BCL9: variants seen among roughly 807,000 people sequenced by gnomAD.
BCL9 encodes the protein BCL9 transcription coactivator, also known as B-cell CLL/lymphoma 9 protein.
Under a neutral mutation model 88.5 loss-of-function variants are expected in BCL9, and 25 were observed. The ratio of observed to expected loss-of-function variants is 0.28; its 90% CI spans 0.21 to 0.39. The LOEUF (loss-of-function observed/expected upper bound fraction) is 0.39, where lower values mean the gene tolerates loss of function less well. Among genes scored for constraint, BCL9 ranks in the 10% least tolerant of loss-of-function variants. The probability of loss-of-function intolerance (pLI) is 1.00; values close to 1 mark genes in which losing one functional copy is unlikely to be tolerated. For synonymous variants in BCL9, 711 were observed against 673.3 expected, an observed-to-expected ratio of 1.06 and a Z score of -0.87; for missense variants, 1,817 against 1,877.8, an observed-to-expected ratio of 0.97 and a Z score of 0.60.
At chr1:147,588,577 C>T (rs2101566109) in intron 1 of BCL9, among the ~76,000 whole-genome samples, 1 of 152,186 alleles carries the variant, frequency 6.6e-6, no homozygotes, top group Non-Finnish European at 1.5e-5. Flanking sequence ...CACCCCCTCC[C>T]AGAAGTGCTA....
rs35324998 is a variant in BCL9, at chr1:147,608,330, CTTTT to C, written c.-260+1481_-260+1484del. ...AATGCTAGACCTGGGTTTTGTTTTG[CTTTT>C]TTTTTTTTTTTTTTTTAGCACGGAA... is the stretch of plus-strand genomic sequence containing the variant. On this transcript the variant is annotated intron_variant, in intron 3 of 9. Transcript: ENST00000234739. Among the ~76,000 whole-genome samples the C allele has an allele frequency of 1.5e-4, 15 of 101,052 alleles. No individual in the cohort carries two copies. The East Asian group carries it at 3.4e-3, about 23-fold the overall frequency. The allele number at this position is 101,052 out of a possible 152,430, so 66.3% of individuals were successfully genotyped here.
At chr1:147,569,667 A>C (rs1162249301) in intron 1 of BCL9, among the ~76,000 whole-genome samples, 3 of 94 alleles carry the variant, frequency 0.032, no homozygotes, top group African/African-American at 0.12. Context: ...AAGAAGAGAA[A>C]AAGAAGAAAA....
At chr1:147,548,585 G>C (rs945611927) in intron 1 of BCL9, among the ~76,000 whole-genome samples, 1 of 152,244 alleles carries the variant, frequency 6.6e-6, no homozygotes, top group Admixed American at 6.5e-5. Flanking sequence ...TCTGGGCTGT[G>C]GCCCCTCAAA....
intron 1 of BCL9, among the ~76,000 whole-genome samples, chr1:147,571,603 G>C (rs1458994440): frequency 6.6e-6 from 1 of 152,082 alleles, no homozygotes; most frequent in Non-Finnish European, 1.5e-5. Context: ...TGGTGAAAAA[G>C]CACCCTTTTC....
At chr1:147,598,804 C>A (rs1657168492) in intron 1 of BCL9, among the ~76,000 whole-genome samples, 1 of 152,190 alleles carries the variant, frequency 6.6e-6, no homozygotes, top group Admixed American at 6.5e-5. Context: ...AGAGGTGTAA[C>A]AACAGTGTAT....
Position 147,620,337 on chromosome 1 carries a change from T to G in BCL9, c.2182T>G (p.Ser728Ala), listed in dbSNP as rs782735343. ...TGTCAATCTAAATGTCAACATGGGA[T>G]CCAACTCTCAGATGATACCTCAGAA... is the stretch of plus-strand genomic sequence containing the variant. The part of the protein sequence containing the change: ...GDVNLNVNMG[S>A]NSQMIPQKMR... The change falls in exon 8 of 10, where the codon TCC (serine) becomes GCC (alanine). Residue 728 changes from serine (S) to alanine (A), a missense_variant. Ser to Ala is a moderately conservative substitution (Grantham distance 99). This residue lies in a region of BCL9 where 1,228 missense variants were observed against 1,191.6 expected (regional missense o/e 1.03). Transcript: ENST00000234739. 1.4e-5 allele frequency: 23 copies of G among 1,614,036 alleles called. No individual in the cohort carries two copies. Among genetic ancestry groups the G allele is most frequent in the Admixed American group, 1.0e-4 (6 of 60,002 alleles).
chr1:147,593,241 G>C (rs1302705226), intron 1 of BCL9, among the ~76,000 whole-genome samples: 1 of 152,164 alleles, frequency 6.6e-6, no homozygotes, highest in Non-Finnish European at 1.5e-5. Context: ...TTCTGCTCAT[G>C]TCTTCTCCCT....
At chr1:147,580,375 G>C (rs782028326) in intron 1 of BCL9, among the ~76,000 whole-genome samples, 8 of 152,152 alleles carry the variant, frequency 5.3e-5, no homozygotes, top group Non-Finnish European at 1.0e-4. Flanking sequence ...TTGTGGTTTA[G>C]ATTAAAACCA....
intron 1 of BCL9, among the ~76,000 whole-genome samples, chr1:147,600,628 C>T (rs1042039081): frequency 1.3e-5 from 2 of 151,724 alleles, no homozygotes; most frequent in Non-Finnish European, 2.9e-5. Context: ...GAGGTTAAAC[C>T]AGGAGAGTGA....
At position 147,575,317 on chromosome 1, in the gene BCL9, A is replaced by G. The variant is rs151037596; in HGVS notation, c.-477-29460A>G. On this transcript the variant is annotated intron_variant, in intron 1 of 9. Transcript: ENST00000234739. ...TGGTTTCCTGACACAGCTCCTTGTA[A>G]TTTTCCTTCATACACTTTAATATAA... Among the ~76,000 whole-genome samples, 138 of 152,162 alleles carry G rather than the reference A, an allele frequency of 9.1e-4. 2 individuals carry two copies. In the East Asian group the frequency reaches 0.02, roughly 22 times the overall value.
chr1:147,620,628 T>C lies in BCL9; in HGVS notation c.2473T>C (p.Ser825Pro). The change falls in exon 8 of 10, where the codon TCC becomes CCC. Residue 825 changes from serine to proline, a missense_variant. By Grantham distance (74) the Ser-to-Pro change is moderately conservative. Around this residue, in one of 2 missense-constraint regions of BCL9, gnomAD observed 1,228 missense variants for 1,191.6 expected, o/e 1.03. Coordinates refer to ENST00000234739, the MANE Select transcript of BCL9 (RefSeq NM_004326.4). Reference sequence around the variant, plus strand: ...TATGCCACCACTACCTCTCAACCCTTCCAGTAACCCCACCAGCCTCAACAC... The same window carrying C: ...TATGCCACCACTACCTCTCAACCCTCCCAGTAACCCCACCAGCCTCAACAC... ...SHMPPLPLNPSSNPTSLNTAP... is the reference protein window; with the variant it reads ...SHMPPLPLNPPSNPTSLNTAP... 1 of 1,614,014 alleles carries C rather than the reference T, an allele frequency of 6.2e-7. No homozygotes were observed. Among genetic ancestry groups the C allele is most frequent in the Non-Finnish European group, 8.5e-7 (1 of 1,179,998 alleles).
At chr1:147,587,993 G>C (rs1553199461) in intron 1 of BCL9, among the ~76,000 whole-genome samples, 1 of 152,174 alleles carries the variant, frequency 6.6e-6, no homozygotes, top group South Asian at 2.1e-4. Context: ...CGTCAAGTTT[G>C]TGATATAGTA....
At chr1:147,604,142 G>A (rs1657534502) in intron 1 of BCL9, among the ~76,000 whole-genome samples, 1 of 152,100 alleles carries the variant, frequency 6.6e-6, no homozygotes, top group South Asian at 2.1e-4. Context: ...ACCAGGGATG[G>A]TTACTTCCAT....
chr1:147,605,791 G>C (rs782629918), intron 2 of BCL9, among the ~76,000 whole-genome samples: 2 of 152,292 alleles, frequency 1.3e-5, no homozygotes, highest in African/African-American at 4.8e-5. Flanking sequence ...AGGCTTTTTA[G>C]TTCCACATTC....
chr1:147,560,032 A>G (rs188758417), intron 1 of BCL9, among the ~76,000 whole-genome samples: 1 of 152,304 alleles, frequency 6.6e-6, no homozygotes, highest in African/African-American at 2.4e-5. Context: ...AGAACTTCAT[A>G]TTTCAGAGTA....
At chr1:147,614,388 A>G in intron 5 of BCL9, 39 bp from the exon 6 acceptor site, 1 of 1,599,802 alleles carries the variant, frequency 6.3e-7, no homozygotes. Context: ...AAGAAAGGAA[A>G]TTTTATTCTT....
chr1:147,580,577 T>C (rs1570854484), intron 1 of BCL9, among the ~76,000 whole-genome samples: 1 of 152,176 alleles, frequency 6.6e-6, no homozygotes, highest in East Asian at 1.9e-4. Context: ...AGCATAAACA[T>C]GCCATAAAGC....
rs587670624 is a variant in BCL9, at chr1:147,596,499, C to T, written c.-477-8278C>T. Among the ~76,000 whole-genome samples the T allele has an allele frequency of 2.0e-5, 3 of 148,476 alleles. No individual in the cohort carries two copies. The East Asian group carries it at 6.0e-4, about 30-fold the overall frequency. On this transcript the variant is annotated intron_variant, in intron 1 of 9. Transcript: ENST00000234739. The stretch of plus-strand genomic sequence containing the variant: ...AGCGATCTAGGCTCACTGCAAGCTC[C>T]GCCTCCCGGGTTCACGCCATTCTCC...
intron 1 of BCL9, among the ~76,000 whole-genome samples, chr1:147,592,365 A>G (rs969568170): frequency 7.2e-5 from 11 of 152,196 alleles, no homozygotes; most frequent in African/African-American, 2.7e-4. Flanking sequence ...AAGCCCTCTG[A>G]GTATCTTTCC....
Sources: gnomAD v4.1 joint callset for allele counts (sites outside exome capture counted in the v4.1 genomes callset) on GRCh38, gnomAD v4.1.1 for gene constraint, gnomAD v4.1.1 regional missense constraint, MANE v1.5 for transcripts, NCBI Gene and HGNC (gene_info 2026-07-23, HGNC 2026-07-21) for gene names.